PRKG1: variants seen among roughly 807,000 people sequenced by gnomAD.
PRKG1 encodes cGMP-dependent protein kinase 1.
PRKG1 carries 35 observed loss-of-function variants against 88.1 expected under a neutral mutation model. The ratio of observed to expected loss-of-function variants is 0.40; its 90% CI spans 0.30 to 0.53. The LOEUF (loss-of-function observed/expected upper bound fraction) is 0.53, where lower values mean the gene tolerates loss of function less well. Among genes scored for constraint, PRKG1 ranks in the 20% least tolerant of loss-of-function variants. PRKG1 has a pLI of 0.59. For missense variants in PRKG1, 540 were observed against 839.8 expected (o/e 0.64, Z 4.41); for synonymous variants, 303 against 292.5 (o/e 1.04, Z -0.37).
chr10:51,723,047 C>A (rs905896195), intron 3 of PRKG1, among the ~76,000 whole-genome samples: 61 of 152,190 alleles, frequency 4.0e-4, no homozygotes, highest in African/African-American at 1.4e-3. Context: ...CTTTTATCTT[C>A]TTTTGTTATT....
chr10:51,786,773 T>C lies in PRKG1; in HGVS notation c.593-17812T>C, dbSNP rs576417775. Among the ~76,000 whole-genome samples the C allele has an allele frequency of 3.3e-5, 5 of 152,300 alleles. No individual in the cohort carries two copies. In the South Asian group the frequency reaches 6.2e-4, roughly 19 times the overall value. ...ACAAATATTTCATTACTTTCAAGCT[T>C]TACTTGTGACTTAGTATTTTCCTTC... On this transcript the variant is annotated intron_variant, in intron 3 of 17. Transcript: ENST00000373980.
At chr10:51,885,281 G>T (rs1458279440) in intron 4 of PRKG1, among the ~76,000 whole-genome samples, 4 of 152,200 alleles carry the variant, frequency 2.6e-5, no homozygotes. Context: ...TGTTGTTATT[G>T]CTTGCTAATG....
At chr10:51,828,311 A>C (rs1839925761) in intron 4 of PRKG1, among the ~76,000 whole-genome samples, 1 of 147,680 alleles carries the variant, frequency 6.8e-6, no homozygotes, top group Admixed American at 6.6e-5. Context: ...TCCTCACGTG[A>C]AAAAAAAATC....
chr10:51,950,763 C>T (rs573747846), intron 5 of PRKG1, among the ~76,000 whole-genome samples: 11 of 152,354 alleles, frequency 7.2e-5, no homozygotes, highest in African/African-American at 9.6e-5. Context: ...CCTTCACTGG[C>T]AAGGGCAAAA....
At chr10:51,862,216 T>C (rs1840894918) in intron 4 of PRKG1, among the ~76,000 whole-genome samples, 1 of 152,218 alleles carries the variant, frequency 6.6e-6, no homozygotes, top group South Asian at 2.1e-4. Context: ...TTGTTCCCAC[T>C]GCCCATAGCA....
intron 9 of PRKG1, among the ~76,000 whole-genome samples, chr10:52,225,880 G>T (rs1401669580): frequency 1.3e-5 from 2 of 151,910 alleles, no homozygotes; most frequent in Non-Finnish European, 1.5e-5. Context: ...CACTGTTTTG[G>T]TCACTGTGGC....
intron 2 of PRKG1, among the ~76,000 whole-genome samples, chr10:51,280,532 C>T (rs1840264400): frequency 6.6e-6 from 1 of 152,220 alleles, no homozygotes; most frequent in African/African-American, 2.4e-5. Flanking sequence ...TTGGTCTTTT[C>T]ACATAGTCCC....
At chr10:51,910,964 C>T (rs755010993) in intron 5 of PRKG1, 14 of 152,164 alleles carry the variant, frequency 9.2e-5, no homozygotes, top group Non-Finnish European at 1.5e-4. Context: ...TCTCTAGGTA[C>T]TGACTATACC....
intron 4 of PRKG1, among the ~76,000 whole-genome samples, chr10:51,869,507 C>T (rs1464826721): frequency 2.0e-5 from 3 of 151,980 alleles, no homozygotes; most frequent in African/African-American, 7.3e-5. Flanking sequence ...AGAAACAAAC[C>T]TATGCAGGGG....
intron 2 of PRKG1, among the ~76,000 whole-genome samples, chr10:51,351,474 T>C (rs2132565680): frequency 6.6e-6 from 1 of 152,270 alleles, no homozygotes; most frequent in Middle Eastern, 3.4e-3. Context: ...TGGTATCTCA[T>C]TGTGGTTTTG....
rs201683049 is a variant in PRKG1, at chr10:51,728,449, C to CTTTTTTTTTTTTTTT, written c.593-76133_593-76132insTTTTTTTTTTTTTTT. Among the ~76,000 whole-genome samples, 3 of 57,916 alleles carry CTTTTTTTTTTTTTTT rather than the reference C, an allele frequency of 5.2e-5. 1 individual carries two copies. Among genetic ancestry groups the CTTTTTTTTTTTTTTT allele is most frequent in the Admixed American group, 3.8e-4 (2 of 5,312 alleles). 38.0% of individuals were successfully genotyped at this position (57,916 alleles called of 152,430 possible). ...AAACAATAGCAAAATTCCATTTTTTCTTTGTTTTTTTTTTTTTTTTTTTTT... is the reference window on the plus strand; with the variant it reads ...AAACAATAGCAAAATTCCATTTTTTCTTTTTTTTTTTTTTTTTTGTTTTTTTTTTTTTTTTTTTTT... On this transcript the variant is annotated intron_variant, in intron 3 of 17. Transcript: ENST00000373980.
intron 2 of PRKG1, among the ~76,000 whole-genome samples, chr10:51,347,138 C>G (rs1341317169): frequency 6.6e-6 from 1 of 151,556 alleles, no homozygotes; most frequent in Admixed American, 6.6e-5. Flanking sequence ...TTTTTTCTAC[C>G]ACCAAGACAA....
intron 3 of PRKG1, among the ~76,000 whole-genome samples, chr10:51,505,417 T>C (rs568452549): frequency 5.1e-4 from 77 of 152,296 alleles, no homozygotes; most frequent in African/African-American, 1.7e-3. Flanking sequence ...ATCAAGGATA[T>C]TGGTCTAAAA....
chr10:51,272,620 A>G (rs1391097764), intron 2 of PRKG1, among the ~76,000 whole-genome samples: 1 of 152,186 alleles, frequency 6.6e-6, no homozygotes, highest in African/African-American at 2.4e-5. Context: ...TGAACAGGAC[A>G]AATGGTTGCA....
chr10:52,034,099 A>G (rs947115755), intron 5 of PRKG1, among the ~76,000 whole-genome samples: 4 of 151,954 alleles, frequency 2.6e-5, no homozygotes, highest in East Asian at 1.9e-4. Flanking sequence ...AAGGTGGGGC[A>G]GGGCATATTC....
intron 6 of PRKG1, among the ~76,000 whole-genome samples, chr10:52,059,479 G>C (rs1162002891): frequency 6.6e-6 from 1 of 151,750 alleles, no homozygotes; most frequent in Non-Finnish European, 1.5e-5. Flanking sequence ...ATTGAATCTT[G>C]CAACAACTTG....
intron 4 of PRKG1, among the ~76,000 whole-genome samples, chr10:51,833,731 G>A (rs539628283): frequency 6.6e-6 from 1 of 152,072 alleles, no homozygotes; most frequent in Admixed American, 6.5e-5. Context: ...TAGGTATTCT[G>A]TAACATATAA....
At chr10:51,886,221 A>G (rs1467241013) in intron 4 of PRKG1, among the ~76,000 whole-genome samples, 4 of 152,206 alleles carry the variant, frequency 2.6e-5, no homozygotes, top group Non-Finnish European at 5.9e-5. Context: ...TGTATTTTAC[A>G]GCCACAATTT....
chr10:51,334,054 C>A (rs1419903148), intron 2 of PRKG1, among the ~76,000 whole-genome samples: 1 of 151,936 alleles, frequency 6.6e-6, no homozygotes, highest in South Asian at 2.1e-4. Flanking sequence ...TTTAATAAGG[C>A]CATTTATGTC....
Sources: allele counts gnomAD v4.1 joint callset (sites outside exome capture counted in the v4.1 genomes callset), GRCh38; gene constraint gnomAD v4.1.1; transcripts MANE v1.5; gene names NCBI Gene and HGNC (gene_info 2026-07-23, HGNC 2026-07-21).